The following CEP128 variants were observed in gnomAD, a reference collection of about 807,000 sequenced individuals.
CEP128 encodes centrosomal protein 128kDa.
Under a neutral mutation model 156.7 loss-of-function variants are expected in CEP128, and 132 were observed. That is an observed-to-expected ratio of 0.84 (90% confidence interval 0.73 to 0.97). CEP128 has a LOEUF of 0.97. Ranked by LOEUF, CEP128 falls within the 50% of genes least tolerant of loss-of-function variation. The pLI, the probability that CEP128 is intolerant of heterozygous loss-of-function variation, is 0.00. For synonymous variants in CEP128, 469 were observed against 448.9 expected, an observed-to-expected ratio of 1.04 and a Z score of -0.57; for missense variants, 1,252 against 1,281.9, an observed-to-expected ratio of 0.98 and a Z score of 0.36.
At chr14:80,902,693 T>C (rs1883647174) in intron 6 of CEP128, among the ~76,000 whole-genome samples, 1 of 152,192 alleles carries the variant, frequency 6.6e-6, no homozygotes, top group East Asian at 1.9e-4. Flanking sequence ...GAATAAAGTA[T>C]GGAATTTCTT....
At chr14:80,695,876 A>AT (rs1896876908) in intron 19 of CEP128, among the ~76,000 whole-genome samples, 4 of 152,010 alleles carry the variant, frequency 2.6e-5, no homozygotes, top group African/African-American at 4.8e-5. Flanking sequence ...GCTTCAAAAA[A>AT]ATTTTTTTTG....
At chr14:80,750,729 A>C (rs1233332066) in intron 18 of CEP128, among the ~76,000 whole-genome samples, 1 of 152,202 alleles carries the variant, frequency 6.6e-6, no homozygotes, top group African/African-American at 2.4e-5. Context: ...TTGTCCTAAC[A>C]ATAATACTAA....
chr14:80,689,594 C>A (rs1896649268), intron 19 of CEP128, among the ~76,000 whole-genome samples: 1 of 152,150 alleles, frequency 6.6e-6, no homozygotes, highest in African/African-American at 2.4e-5. Flanking sequence ...TGAAAATATG[C>A]TGAATATGTT....
At chr14:80,758,728 A>G (rs1899802621) in intron 17 of CEP128, among the ~76,000 whole-genome samples, 1 of 152,144 alleles carries the variant, frequency 6.6e-6, no homozygotes, top group Non-Finnish European at 1.5e-5. Context: ...ACATGTTACT[A>G]AAAGAGGCAA....
chr14:80,614,603 C>G (rs1024137011), intron 19 of CEP128, among the ~76,000 whole-genome samples: 5 of 152,164 alleles, frequency 3.3e-5, no homozygotes, highest in Admixed American at 1.3e-4. Context: ...CCATAAAAAA[C>G]CCTGTCCCAC....
At chr14:80,916,694 C>T (rs45544631) in intron 2 of CEP128, 132 bp from the exon 3 acceptor site, 9,728 of 645,662 alleles carry the variant, frequency 0.015, 106 homozygotes, top group Non-Finnish European at 0.02. Context: ...GTAATTTCTA[C>T]ATACATAGCT....
chr14:80,807,334 G>C (rs1283094724), intron 13 of CEP128, among the ~76,000 whole-genome samples: 1 of 152,102 alleles, frequency 6.6e-6, no homozygotes, highest in Non-Finnish European at 1.5e-5. Context: ...AACTATTAAA[G>C]TTAAAAATTT....
chr14:80,549,493 G>C (rs1481680887), intron 21 of CEP128, among the ~76,000 whole-genome samples: 1 of 152,158 alleles, frequency 6.6e-6, no homozygotes, highest in African/African-American at 2.4e-5. Context: ...CATAGCCTTG[G>C]CAAAACCAAA....
At position 80,551,821 on chromosome 14, in the gene CEP128, C is replaced by G. The variant is rs138627582; in HGVS notation, c.2880+7458G>C. Among the ~76,000 whole-genome samples the G allele has an allele frequency of 4.4e-3, 668 of 152,188 alleles. 3 individuals are homozygous for G. Among genetic ancestry groups the G allele is most frequent in the African/African-American group, 0.015 (628 of 41,538 alleles). On this transcript the variant is annotated intron_variant, in intron 21 of 24. Coordinates refer to ENST00000555265, the MANE Select transcript of CEP128 (RefSeq NM_152446.5). ...TTCAGAACACTTCAACCCCAGTATCCCATATATCAAACACAGCTCTTTGTT... is the reference window on the plus strand; with the variant it reads ...TTCAGAACACTTCAACCCCAGTATCGCATATATCAAACACAGCTCTTTGTT...
intron 19 of CEP128, among the ~76,000 whole-genome samples, chr14:80,712,582 G>C: frequency 6.6e-6 from 1 of 152,104 alleles, no homozygotes; most frequent in East Asian, 1.9e-4. Context: ...TGAGTACCCA[G>C]AGCATGGTTT....
At chr14:80,676,913 T>C (rs975627118) in intron 19 of CEP128, among the ~76,000 whole-genome samples, 3 of 152,158 alleles carry the variant, frequency 2.0e-5, no homozygotes, top group African/African-American at 7.2e-5. Context: ...CAATATTAGA[T>C]ATTTACATTT....
chr14:80,829,595 T>A (rs982372954), intron 13 of CEP128, among the ~76,000 whole-genome samples: 3 of 152,158 alleles, frequency 2.0e-5, no homozygotes, highest in Non-Finnish European at 4.4e-5. Context: ...TTAGATCCAC[T>A]GTGAGAAACA....
At chr14:80,726,149 T>C (rs1238954866) in intron 19 of CEP128, among the ~76,000 whole-genome samples, 1 of 152,226 alleles carries the variant, frequency 6.6e-6, no homozygotes, top group African/African-American at 2.4e-5. Context: ...CTGATGACCA[T>C]GACAGCCATG....
intron 19 of CEP128, among the ~76,000 whole-genome samples, chr14:80,603,197 G>A (rs1287068386): frequency 6.6e-6 from 1 of 152,114 alleles, no homozygotes; most frequent in Non-Finnish European, 1.5e-5. Flanking sequence ...GCTGAAAGAT[G>A]GAAACAACCC....
At chr14:80,800,913 C>T (rs992360467) in intron 13 of CEP128, among the ~76,000 whole-genome samples, 1 of 152,046 alleles carries the variant, frequency 6.6e-6, no homozygotes, top group South Asian at 2.1e-4. Context: ...TCAGCAAGAC[C>T]TCAGAAAGAA....
chr14:80,550,870 T>C (rs2140339242), intron 21 of CEP128, among the ~76,000 whole-genome samples: 1 of 149,818 alleles, frequency 6.7e-6, no homozygotes, highest in East Asian at 2.0e-4. Context: ...ATGGAATGAA[T>C]ATAGTTTCCT....
At chr14:80,623,375 G>A (rs2140672016) in intron 19 of CEP128, among the ~76,000 whole-genome samples, 1 of 151,180 alleles carries the variant, frequency 6.6e-6, no homozygotes, top group South Asian at 2.1e-4. Context: ...CGAGTTAATG[G>A]GTGCAGCACA....
chr14:80,781,230 G>A (rs1403666300), intron 15 of CEP128, among the ~76,000 whole-genome samples: 6 of 152,146 alleles, frequency 3.9e-5, no homozygotes, highest in African/African-American at 1.4e-4. Context: ...GGCCAAGGTG[G>A]GGGGGATCAT....
intron 15 of CEP128, among the ~76,000 whole-genome samples, chr14:80,784,277 G>T (rs538451920): frequency 8.3e-6 from 1 of 120,264 alleles, no homozygotes; most frequent in Non-Finnish European, 1.7e-5. Flanking sequence ...TATGACACGT[G>T]TTATGAAAAA....
Sources: allele counts gnomAD v4.1 joint callset (sites outside exome capture counted in the v4.1 genomes callset), GRCh38; gene constraint gnomAD v4.1.1; transcripts MANE v1.5; gene names NCBI Gene and HGNC (gene_info 2026-07-23, HGNC 2026-07-21).